The following RGS7BP variants were observed in gnomAD, a reference collection of about 807,000 sequenced individuals.
RGS7BP encodes the protein regulator of G protein signaling 7-binding protein.
RGS7BP carries 9 observed loss-of-function variants against 31.3 expected under a neutral mutation model. The observed-to-expected ratio is 0.29, with a 90% CI of 0.17 to 0.50. The LOEUF (loss-of-function observed/expected upper bound fraction) is 0.50, where lower values mean the gene tolerates loss of function less well. RGS7BP is among the 20% of genes least tolerant of loss of function. The pLI, the probability that RGS7BP is intolerant of heterozygous loss-of-function variation, is 0.98. For missense variants in RGS7BP, 274 were observed against 322.0 expected, an observed-to-expected ratio of 0.85 and a Z score of 1.14; for synonymous variants, 115 against 120.1, an observed-to-expected ratio of 0.96 and a Z score of 0.28.
Position 64,609,523 on chromosome 5 carries a change from T to C in RGS7BP, c.*271T>C. ...TGCATGTCTGCTCCAAACCACGCCATGACAGATGCAAGAATTATGATTTTT... is the reference window on the plus strand; with the variant it reads ...TGCATGTCTGCTCCAAACCACGCCACGACAGATGCAAGAATTATGATTTTT... On this transcript the variant is annotated 3_prime_UTR_variant, in exon 6 of 6. Transcript: ENST00000334025. The C allele has an allele frequency of 2.4e-6, 1 of 409,296 alleles. No individual in the cohort carries two copies. Among genetic ancestry groups the C allele is most frequent in the Non-Finnish European group, 4.5e-6 (1 of 223,998 alleles). 25.4% of individuals were successfully genotyped at this position (409,296 alleles called of 1,614,324 possible).
intron 5 of RGS7BP, among the ~76,000 whole-genome samples, chr5:64,604,365 T>A (rs1312340489): frequency 2.0e-5 from 3 of 152,124 alleles, no homozygotes; most frequent in African/African-American, 7.2e-5. Context: ...CTCATAGCAA[T>A]GTATTCAGAT....
At chr5:64,567,075 G>C (rs1420196789) in intron 2 of RGS7BP, among the ~76,000 whole-genome samples, 2 of 151,804 alleles carry the variant, frequency 1.3e-5, no homozygotes, top group Non-Finnish European at 2.9e-5. Context: ...ACCTCCCCTG[G>C]GTGGAGATTT....
At chr5:64,600,105 G>C (rs1419379226) in intron 5 of RGS7BP, among the ~76,000 whole-genome samples, 1 of 152,184 alleles carries the variant, frequency 6.6e-6, no homozygotes, top group Non-Finnish European at 1.5e-5. Flanking sequence ...CTGGTCTTGA[G>C]CCTGCAATTC....
In RGS7BP at chr5:64,521,000, C is replaced by A. The variant is rs762472884; in HGVS notation, c.332+13123C>A. ...TACTGAAATCCCTTGTCAATAAATC[C>A]GCAAGAGCTCCTGTTCTCCCACAAA... On this transcript the variant is annotated intron_variant, in intron 2 of 5. Transcript: ENST00000334025. 1.4e-3 allele frequency among the ~76,000 whole-genome samples: 212 copies of A among 152,282 alleles called. 1 individual carries two copies. Among genetic ancestry groups the A allele is most frequent in the Admixed American group, 2.3e-3 (35 of 15,304 alleles).
chr5:64,540,032 A>T (rs1741486513), intron 2 of RGS7BP, among the ~76,000 whole-genome samples: 1 of 152,142 alleles, frequency 6.6e-6, no homozygotes, highest in African/African-American at 2.4e-5. Context: ...TGATTTTAGA[A>T]AATTTTAAAA....
At chr5:64,513,292 C>A (rs980466300) in intron 2 of RGS7BP, among the ~76,000 whole-genome samples, 1 of 152,136 alleles carries the variant, frequency 6.6e-6, no homozygotes, top group Non-Finnish European at 1.5e-5. Context: ...CCTGACCAAC[C>A]AGACCTGTTT....
intron 2 of RGS7BP, among the ~76,000 whole-genome samples, chr5:64,528,319 G>A (rs181267083): frequency 5.3e-5 from 8 of 152,302 alleles, no homozygotes; most frequent in Non-Finnish European, 8.8e-5. Context: ...CTTCCCTAGA[G>A]CATCCTGTGA....
chr5:64,506,656 G>T lies in RGS7BP; in HGVS notation c.32G>T (p.Arg11Leu), dbSNP rs775717973. ...TCTGCACCGAATGGGCGCAAAAAGC[G>T]CCCCAGCCGGTCCACCCGCTCCTCG... is the stretch of plus-strand genomic sequence containing the variant. MSSAPNGRKKRPSRSTRSSIF... is the reference protein window; with the variant it reads MSSAPNGRKKLPSRSTRSSIF... The change falls in exon 1 of 6, where the codon CGC becomes CTC. Residue 11 changes from arginine to leucine, a missense_variant. This residue lies in a region of RGS7BP where 149 missense variants were observed against 152.6 expected (regional missense o/e 0.98). Coordinates refer to ENST00000334025, the MANE Select transcript of RGS7BP (RefSeq NM_001029875.3). The surrounding 1 kb of genome is among the most constrained non-coding windows in gnomAD (Gnocchi z 4.6). The T allele has an allele frequency of 6.3e-7, 1 of 1,583,160 alleles. No homozygotes were observed. Among genetic ancestry groups the T allele is most frequent in the East Asian group, 2.4e-5 (1 of 42,460 alleles).
chr5:64,572,289 T>A (rs1724284467), intron 2 of RGS7BP, among the ~76,000 whole-genome samples: 1 of 152,196 alleles, frequency 6.6e-6, no homozygotes, highest in South Asian at 2.1e-4. Flanking sequence ...TCATTTGTTA[T>A]GAAAATAACG....
At chr5:64,526,076 T>C (rs914025535) in intron 2 of RGS7BP, among the ~76,000 whole-genome samples, 11 of 152,118 alleles carry the variant, frequency 7.2e-5, no homozygotes, top group Non-Finnish European at 1.3e-4. Context: ...ACAATGAGTA[T>C]TGACAAGGGA....
chr5:64,591,349 G>C (rs1396318828), intron 3 of RGS7BP, among the ~76,000 whole-genome samples: 1 of 151,120 alleles, frequency 6.6e-6, no homozygotes, highest in Admixed American at 6.6e-5. Context: ...TAAAAAGAAA[G>C]TAAAAAACAA....
intron 3 of RGS7BP, among the ~76,000 whole-genome samples, chr5:64,591,040 C>T (rs1424440629): frequency 6.6e-6 from 1 of 151,942 alleles, no homozygotes; most frequent in Non-Finnish European, 1.5e-5. Context: ...TACTAAAAGA[C>T]ATAAAAGATG....
intron 3 of RGS7BP, among the ~76,000 whole-genome samples, chr5:64,588,072 T>A (rs1399357783): frequency 6.6e-6 from 1 of 152,150 alleles, no homozygotes; most frequent in African/African-American, 2.4e-5. Context: ...TGATAAAAAA[T>A]TTAAAATATA....
At chr5:64,586,933 T>C (rs1742771514) in intron 3 of RGS7BP, among the ~76,000 whole-genome samples, 1 of 152,198 alleles carries the variant, frequency 6.6e-6, no homozygotes. Flanking sequence ...CATGTATTTG[T>C]CAGGGTAGGG....
At chr5:64,575,546 C>A in intron 2 of RGS7BP, 3 of 540,934 alleles carry the variant, frequency 5.5e-6, no homozygotes, top group Non-Finnish European at 8.1e-6. Context: ...AAGCTCCCGG[C>A]AGAACTCTGC....
intron 3 of RGS7BP, among the ~76,000 whole-genome samples, chr5:64,586,726 G>A (rs1742764626): frequency 6.6e-6 from 1 of 152,194 alleles, no homozygotes; most frequent in Non-Finnish European, 1.5e-5. Context: ...GCAGAGTAAA[G>A]TTTCAATTAA....
At chr5:64,522,905 C>T (rs272623) in intron 2 of RGS7BP, among the ~76,000 whole-genome samples, 36,046 of 151,988 alleles carry the variant, frequency 0.24, 5,010 homozygotes, top group South Asian at 0.36. Context: ...TCTTGCTTCA[C>T]GTGTCAGCAT....
chr5:64,609,323 T>A lies in RGS7BP; in HGVS notation c.*71T>A. ...CAAAACCCGAGGACCTCCAGACAGC[T>A]GAACCACACAGTTATTGGTTTTTGA... On this transcript the variant is annotated 3_prime_UTR_variant, in exon 6 of 6. Transcript: ENST00000334025. 3 of 849,264 alleles carry A rather than the reference T, an allele frequency of 3.5e-6. No individual in the cohort carries two copies. Among genetic ancestry groups the A allele is most frequent in the South Asian group, 2.6e-5 (2 of 75,496 alleles). 52.6% of individuals were successfully genotyped at this position (849,264 alleles called of 1,614,324 possible). A position where few individuals can be genotyped will look rare whatever the true frequency, so the allele number is the denominator to read the frequency against.
chr5:64,575,497 T>C (rs1050041528), intron 2 of RGS7BP, among the ~76,000 whole-genome samples: 3 of 152,204 alleles, frequency 2.0e-5, no homozygotes, highest in Non-Finnish European at 2.9e-5. Context: ...CAATTGAAGA[T>C]GTCTGATATT....
Sources: gnomAD v4.1 joint callset for allele counts (sites outside exome capture counted in the v4.1 genomes callset) on GRCh38, gnomAD v4.1.1 for gene constraint, gnomAD v4.1.1 regional missense constraint, Gnocchi (gnomAD v3.1) non-coding constraint, MANE v1.5 for transcripts, NCBI Gene and HGNC (gene_info 2026-07-23, HGNC 2026-07-21) for gene names.